The following TG variants were observed in gnomAD, a reference collection of about 807,000 sequenced individuals.
TG encodes the protein thyroglobulin.
A neutral mutation model predicts 324.7 loss-of-function variants in TG; 270 were observed. That is an observed-to-expected ratio of 0.83 (90% CI 0.75 to 0.92). TG has a LOEUF of 0.92. TG is among the 40% of genes least tolerant of loss of function. The pLI, the probability that TG is intolerant of heterozygous loss-of-function variation, is 0.00. For missense variants in TG, 3,591 were observed against 3,456.4 expected, an observed-to-expected ratio of 1.04 and a Z score of -0.98; for synonymous variants, 1,401 against 1,327.0, an observed-to-expected ratio of 1.06 and a Z score of -1.21.
intron 14 of TG, among the ~76,000 whole-genome samples, chr8:132,899,443 T>A (rs1237349847): frequency 6.6e-6 from 1 of 152,224 alleles, no homozygotes; most frequent in African/African-American, 2.4e-5. Flanking sequence ...GGGCTTAGTG[T>A]CCTTTTTCTA....
intron 35 of TG, among the ~76,000 whole-genome samples, chr8:133,000,333 C>T (rs1445039456): frequency 2.6e-5 from 4 of 152,190 alleles, no homozygotes; most frequent in Non-Finnish European, 4.4e-5. Context: ...CTCCCTCCAC[C>T]CCTTGCCCTC....
At chr8:133,028,750 T>C (rs1373670888) in intron 40 of TG, among the ~76,000 whole-genome samples, 4 of 152,202 alleles carry the variant, frequency 2.6e-5, no homozygotes, top group African/African-American at 4.8e-5. Context: ...GGTGAGACCA[T>C]GGTATTCTCT....
chr8:133,018,488 A>G (rs1198870743), intron 38 of TG, among the ~76,000 whole-genome samples: 1 of 151,856 alleles, frequency 6.6e-6, no homozygotes, highest in East Asian at 1.9e-4. Flanking sequence ...GGGAAAGTAA[A>G]TGAGCTAATG....
intron 10 of TG, among the ~76,000 whole-genome samples, chr8:132,893,446 ATGTG>A (rs1457608752): frequency 2.8e-5 from 2 of 72,106 alleles, no homozygotes; most frequent in African/African-American, 5.5e-5. Context: ...TGTGGTGTGT[ATGTG>A]TGTAGTATGG....
chr8:133,107,112 G>A (rs1349531881), intron 43 of TG, among the ~76,000 whole-genome samples: 5 of 152,224 alleles, frequency 3.3e-5, no homozygotes, highest in Middle Eastern at 3.4e-3. Flanking sequence ...AATGCATTTC[G>A]TTCTAACATC....
intron 27 of TG, 104 bp downstream of exon 27, chr8:132,949,047 T>A: frequency 1.0e-6 from 1 of 995,342 alleles, no homozygotes. Flanking sequence ...GAGGAGCTTA[T>A]ACTTCTGAAA....
At chr8:132,983,246 A>T in intron 34 of TG, 104 bp from the exon 35 acceptor site, 1 of 1,283,542 alleles carries the variant, frequency 7.8e-7, no homozygotes, top group Non-Finnish European at 1.1e-6. Context: ...CTGCCTTCCA[A>T]GTCCAATTTT....
intron 41 of TG, chr8:133,047,700 G>T: frequency 1.4e-6 from 1 of 704,254 alleles, no homozygotes; most frequent in Non-Finnish European, 2.6e-6. Context: ...GGGCTGCAGG[G>T]AGCTTAACTA....
At chr8:133,047,511 T>G in intron 41 of TG, 1 of 350,326 alleles carries the variant, frequency 2.9e-6, no homozygotes, top group Non-Finnish European at 5.4e-6. Context: ...AAAGGCCACA[T>G]TCTATCTGCA....
At chr8:133,067,294 C>T (rs963221811) in intron 41 of TG, among the ~76,000 whole-genome samples, 3 of 152,090 alleles carry the variant, frequency 2.0e-5, no homozygotes, top group African/African-American at 7.2e-5. Context: ...TCTACCTGCT[C>T]CCACCCCACC....
intron 25 of TG, 29 bp from the exon 26 acceptor site, chr8:132,941,322 T>C (rs1824412347): frequency 6.2e-7 from 1 of 1,614,006 alleles, no homozygotes; most frequent in African/African-American, 1.3e-5. Context: ...TTTGAGGTCT[T>C]TTAAAATTTT....
At chr8:132,988,033 G>A (rs1253754007) in intron 35 of TG, among the ~76,000 whole-genome samples, 1 of 149,596 alleles carries the variant, frequency 6.7e-6, no homozygotes, top group South Asian at 2.1e-4. Context: ...CTTTGAAGTA[G>A]ACTTTGAATG....
At chr8:132,883,362 A>C (rs1376402061) in intron 8 of TG, 5 of 289,828 alleles carry the variant, frequency 1.7e-5, no homozygotes, top group Non-Finnish European at 2.7e-5. Context: ...GCATTTAGGA[A>C]GAATGCATGG....
At chr8:133,020,627 T>G (rs1337082571) in intron 39 of TG, among the ~76,000 whole-genome samples, 1 of 152,032 alleles carries the variant, frequency 6.6e-6, no homozygotes, top group East Asian at 1.9e-4. Flanking sequence ...ATTCGAAGAA[T>G]CCACAGCCAC....
intron 40 of TG, 115 bp from the exon 41 acceptor site, chr8:133,029,706 A>G: frequency 7.8e-7 from 1 of 1,277,036 alleles, no homozygotes; most frequent in Non-Finnish European, 1.1e-6. Context: ...CTGTGAGGAC[A>G]AGAGCCCAGA....
At chr8:132,923,548 C>A (rs757107120) in intron 22 of TG, 40 bp downstream of exon 22, 1 of 1,601,266 alleles carries the variant, frequency 6.2e-7, no homozygotes, top group Non-Finnish European at 8.5e-7. Context: ...TTCCTGGGGA[C>A]TGGGGAGTAG....
intron 35 of TG, among the ~76,000 whole-genome samples, chr8:132,997,057 A>C (rs1832951283): frequency 2.0e-5 from 3 of 152,186 alleles, no homozygotes; most frequent in African/African-American, 7.2e-5. Flanking sequence ...TGCTGCAGGG[A>C]CAATATTCAC....
rs188726811 is a variant in TG at position 132,884,527 on chromosome 8, C to T, written c.1075+1528C>T. ...CTGCTAAATCATTCCATTTGTCCCA[C>T]TTAACCTTTTGAATATTCTTCATGG... On this transcript the variant is annotated intron_variant, in intron 8 of 47. Transcript: ENST00000220616. Among the ~76,000 whole-genome samples the T allele has an allele frequency of 3.9e-5, 6 of 152,338 alleles. No individual in the cohort carries two copies. The East Asian group carries it at 1.2e-3, about 29-fold the overall frequency.
At chr8:133,085,212 T>A (rs1192406442) in intron 41 of TG, among the ~76,000 whole-genome samples, 1 of 152,220 alleles carries the variant, frequency 6.6e-6, no homozygotes, top group Non-Finnish European at 1.5e-5. Flanking sequence ...CAGTCCATTG[T>A]AAAAACAAGT....
Sources: gnomAD v4.1 joint callset for allele counts (sites outside exome capture counted in the v4.1 genomes callset) on GRCh38, gnomAD v4.1.1 for gene constraint, MANE v1.5 for transcripts, NCBI Gene and HGNC (gene_info 2026-07-23, HGNC 2026-07-21) for gene names.